SCGB1C1: variants seen among roughly 807,000 people sequenced by gnomAD.
SCGB1C1 encodes the protein ligand binding protein RYD5.
SCGB1C1 carries 2 observed loss-of-function variants against 8.9 expected under a neutral mutation model. The observed-to-expected ratio is 0.23, with a 90% CI of 0.09 to 0.71. The LOEUF (loss-of-function observed/expected upper bound fraction) is 0.71. Among genes scored for constraint, SCGB1C1 ranks in the 30% least tolerant of loss-of-function variants. The pLI is 0.78. For missense variants in SCGB1C1, 25 were observed against 112.7 expected (o/e 0.22, Z 3.52); for synonymous variants, 6 against 45.8 (o/e 0.13, Z 3.51).
intron 1 of SCGB1C1, among the ~76,000 whole-genome samples, chr11:193,436 G>A (rs1273927802): frequency 6.6e-6 from 1 of 151,562 alleles, no homozygotes; most frequent in African/African-American, 2.4e-5. Flanking sequence ...CTCATCAGGG[G>A]AAATTTCCCC....
upstream of SCGB1C1, among the ~76,000 whole-genome samples, chr11:189,459 C>G (rs1385457681): frequency 1.9e-5 from 2 of 106,390 alleles, no homozygotes; most frequent in African/African-American, 5.5e-5. Context: ...AGAGGCGCGG[C>G]GCGCGGGCGC....
intron 1 of SCGB1C1, among the ~76,000 whole-genome samples, chr11:193,497 T>A (rs377340037): frequency 5.6e-3 from 840 of 150,856 alleles, no homozygotes; most frequent in African/African-American, 0.02. Context: ...GAATGCTGAG[T>A]GGAAATTGGA....
At chr11:193,493 T>C (rs1854852961) in intron 1 of SCGB1C1, among the ~76,000 whole-genome samples, 1 of 152,052 alleles carries the variant, frequency 6.6e-6, no homozygotes, top group Non-Finnish European at 1.5e-5. Flanking sequence ...CAGGGAATGC[T>C]GAGTGGAAAT....
upstream of SCGB1C1, among the ~76,000 whole-genome samples, chr11:192,142 G>A (rs1280752566): frequency 2.7e-5 from 4 of 149,626 alleles, no homozygotes; most frequent in East Asian, 5.9e-4. Flanking sequence ...CCCTAAACGC[G>A]TGTGGCCCAG....
At chr11:191,897 T>C (rs1383944318), upstream of SCGB1C1, among the ~76,000 whole-genome samples, 1 of 43,590 alleles carries the variant, frequency 2.3e-5, no homozygotes. Context: ...CCCCTACCCC[T>C]AACCCCTAAC....
chr11:191,055 T>TC (rs1348114697), upstream of SCGB1C1, among the ~76,000 whole-genome samples: 1 of 142,312 alleles, frequency 7.0e-6, no homozygotes, highest in Non-Finnish European at 1.5e-5. Flanking sequence ...TTTTTGGTGG[T>TC]CCCTCCAGGT....
chr11:189,799 G>C (rs1223499656), upstream of SCGB1C1, among the ~76,000 whole-genome samples: 1 of 152,258 alleles, frequency 6.6e-6, no homozygotes, highest in South Asian at 2.1e-4. Context: ...GGGCCCTCTT[G>C]CTTACAGTGG....
chr11:192,190 G>C (rs1249795770), upstream of SCGB1C1, among the ~76,000 whole-genome samples: 1 of 149,064 alleles, frequency 6.7e-6, no homozygotes, highest in Admixed American at 6.7e-5. Flanking sequence ...GTGGCAGCAG[G>C]GGCCCTTTGG....
upstream of SCGB1C1, among the ~76,000 whole-genome samples, chr11:189,649 C>T (rs1175723326): frequency 1.1e-4 from 16 of 152,362 alleles, no homozygotes; most frequent in African/African-American, 3.6e-4. Context: ...TCCTCGGGGG[C>T]GCGGCGCAGA....
At chr11:190,297 G>T (rs1453635185), upstream of SCGB1C1, among the ~76,000 whole-genome samples, 1 of 145,014 alleles carries the variant, frequency 6.9e-6, no homozygotes, top group Non-Finnish European at 1.5e-5. Context: ...CGGTGTGACG[G>T]CCTCCTGCAC....
upstream of SCGB1C1, among the ~76,000 whole-genome samples, chr11:189,501 G>C (rs1363982799): frequency 1.3e-5 from 2 of 148,444 alleles, no homozygotes; most frequent in African/African-American, 4.9e-5. Flanking sequence ...CTGGGGGGCG[G>C]GGGGAGGCGC....
At chr11:192,503 G>A (rs1854831096), upstream of SCGB1C1, among the ~76,000 whole-genome samples, 1 of 149,360 alleles carries the variant, frequency 6.7e-6, no homozygotes, top group Non-Finnish European at 1.5e-5. Context: ...ACCCTCTCAG[G>A]CCACCTTCTC....
upstream of SCGB1C1, among the ~76,000 whole-genome samples, chr11:190,494 G>A (rs1327498962): frequency 6.6e-6 from 1 of 152,346 alleles, no homozygotes; most frequent in Admixed American, 6.5e-5. Context: ...AGAGTTTATT[G>A]TAGAAAAATA....
At chr11:191,932 C>T (rs1464203932), upstream of SCGB1C1, among the ~76,000 whole-genome samples, 2 of 152,196 alleles carry the variant, frequency 1.3e-5, no homozygotes, top group African/African-American at 2.4e-5. Context: ...CTACTGTATC[C>T]CTGACTCCTA....
At chr11:190,000 G>A (rs1169468933), upstream of SCGB1C1, among the ~76,000 whole-genome samples, 1 of 152,170 alleles carries the variant, frequency 6.6e-6, no homozygotes, top group African/African-American at 2.4e-5. Context: ...GTCGGGGCAC[G>A]CCCTCTTCTG....
chr11:189,946 G>T (rs796249414), upstream of SCGB1C1, among the ~76,000 whole-genome samples: 1 of 111,798 alleles, frequency 8.9e-6, no homozygotes, highest in African/African-American at 2.6e-5. Flanking sequence ...ACGCCCGCCT[G>T]CTGGCAGATG....
At chr11:192,038 AG>A (rs1354415880), upstream of SCGB1C1, among the ~76,000 whole-genome samples, 1 of 152,172 alleles carries the variant, frequency 6.6e-6, no homozygotes. Flanking sequence ...GGCTTTTTCC[AG>A]GATGGGATTT....
At chr11:189,441 A>AGGCGCACAGAGGCGCGGCGCGCGGGCGCC (rs1288389974), upstream of SCGB1C1, among the ~76,000 whole-genome samples, 11 of 141,780 alleles carry the variant, frequency 7.8e-5, no homozygotes, top group Admixed American at 2.8e-4. Flanking sequence ...GCGCCGGCGC[A>AGGCGCACAGAGGCGCGGCGCGCGGGCGCC]GGCGCACAGA....
chr11:189,456 CGGCGCGCGGGCGCCGGCGCACAGT>C (rs1266511759), upstream of SCGB1C1, among the ~76,000 whole-genome samples: 2 of 105,022 alleles, frequency 1.9e-5, no homozygotes, highest in East Asian at 2.5e-4. Flanking sequence ...CACAGAGGCG[CGGCGCGCGGGCGCCGGCGCACAGT>C]GGCGCGTCCC....
Sources: gnomAD v4.1 joint callset for allele counts (sites outside exome capture counted in the v4.1 genomes callset) on GRCh38, gnomAD v4.1.1 for gene constraint, MANE v1.5 for transcripts, NCBI Gene and HGNC (gene_info 2026-07-23, HGNC 2026-07-21) for gene names.